MLH3: variants seen among roughly 807,000 people sequenced by gnomAD.
MLH3 encodes the protein DNA mismatch repair protein Mlh3.
In MLH3, 82 loss-of-function variants were observed where a neutral mutation model predicts 122.2. That is an observed-to-expected ratio of 0.67 (90% CI 0.56 to 0.81). MLH3 has a LOEUF of 0.81. Among genes scored for constraint, MLH3 ranks in the 30% least tolerant of loss-of-function variants. MLH3 has a pLI of 0.00. For missense variants in MLH3, 1,539 were observed against 1,714.5 expected, an observed-to-expected ratio of 0.90 and a Z score of 1.81; for synonymous variants, 524 against 599.5, an observed-to-expected ratio of 0.87 and a Z score of 1.84.
At position 75,047,006 on chromosome 14, in the gene MLH3, C is replaced by A; in HGVS notation, c.2650G>T (p.Glu884Ter). The A allele has an allele frequency of 6.2e-7, 1 of 1,614,188 alleles. No homozygotes were observed. Among genetic ancestry groups the A allele is most frequent in the South Asian group, 1.1e-5 (1 of 91,088 alleles). Residue 884 changes from glutamate (E) to a stop codon, truncating the protein, a stop_gained, in exon 2 of 13, where the codon GAA becomes TAA. Coordinates refer to ENST00000355774, the MANE Select transcript of MLH3 (RefSeq NM_001040108.2). LOFTEE classifies it high-confidence loss of function. The part of the protein sequence containing the change: ...ASKLSRLKGS[E>*]RETQTMGMMS... ...ATCCCCATTGTTTGAGTTTCTCTTTCGGAACCCTTCAGTCTGGATAATTTA... is the reference window on the plus strand; with the variant it reads ...ATCCCCATTGTTTGAGTTTCTCTTTAGGAACCCTTCAGTCTGGATAATTTA...
intron 1 of MLH3, among the ~76,000 whole-genome samples, chr14:75,049,986 G>A (rs1892557887): frequency 6.6e-6 from 1 of 152,178 alleles, no homozygotes; most frequent in Non-Finnish European, 1.5e-5. Context: ...TACACTTGAA[G>A]TTGACCAGTA....
chr14:75,022,301 C>G (rs183353791), intron 11 of MLH3, among the ~76,000 whole-genome samples: 205 of 152,242 alleles, frequency 1.3e-3, no homozygotes, highest in South Asian at 2.9e-3. Context: ...ACATGTACCC[C>G]CTGAACCTAA....
rs1890108006 is a variant in MLH3, at chr14:75,019,246, C to T, written c.4091-266G>A. On this transcript the variant is annotated intron_variant, in intron 11 of 12. Coordinates refer to ENST00000355774, the MANE Select transcript of MLH3 (RefSeq NM_001040108.2). ...CCAATATGGTGAAATCCCGCCTCTA[C>T]TAAAAATACAAAAATTAGCCGGGTG... 4.6e-5 allele frequency: 18 copies of T among 392,534 alleles called. 1 individual carries two copies. Among genetic ancestry groups the T allele is most frequent in the South Asian group, 4.5e-4 (18 of 39,894 alleles). 24.3% of individuals were successfully genotyped at this position (392,534 alleles called of 1,614,324 possible).
chr14:75,018,961 A>G lies in MLH3; in HGVS notation c.4110T>C (p.Asp1370=), dbSNP rs142590981. ...GGCAACTTTCCTGTAAGCTCAGGCC[A>G]TCATTAAACTTAATGGCCCCTAAAT... The part of the protein sequence containing the change: ...QACHGAIKFN[D]GLSLQESCRL... The change falls in exon 12 of 13, where the codon GAT becomes GAC. Residue 1370 remains aspartate, a synonymous_variant. Coordinates refer to ENST00000355774, the MANE Select transcript of MLH3 (RefSeq NM_001040108.2). The G allele has an allele frequency of 6.2e-7, 1 of 1,614,222 alleles. No homozygotes were observed. Among genetic ancestry groups the G allele is most frequent in the Non-Finnish European group, 8.5e-7 (1 of 1,180,022 alleles).
chr14:75,033,379 G>A (rs1891177081), intron 7 of MLH3, 40 bp downstream of exon 7: 12 of 1,533,988 alleles, frequency 7.8e-6, no homozygotes, highest in Non-Finnish European at 1.1e-5. Context: ...TGATTCTGCT[G>A]GGAGTCTCAA....
At chr14:75,039,866 TATATATATATATA>T in intron 5 of MLH3, 32 bp downstream of exon 5, 2 of 371,512 alleles carry the variant, frequency 5.4e-6, no homozygotes, top group South Asian at 3.3e-5. Flanking sequence ...TATATATATA[TATATATATATATA>T]TATTTATGAG....
chr14:75,051,213 C>A (rs1016573797), intron 1 of MLH3, among the ~76,000 whole-genome samples, 167 bp downstream of exon 1: 7 of 152,244 alleles, frequency 4.6e-5, no homozygotes, highest in Middle Eastern at 3.4e-3. Flanking sequence ...CCCTGGCCAG[C>A]CCCGTCCTTG....
rs923829868 is a variant in MLH3, at chr14:75,022,752, G to A, written c.4090+62C>T. The A allele has an allele frequency of 1.3e-5, 19 of 1,432,386 alleles. No individual in the cohort carries two copies. The African/African-American group carries it at 2.1e-4, about 16-fold the overall frequency. 88.7% of individuals were successfully genotyped at this position (1,432,386 alleles called of 1,614,324 possible). ...TACCCTCTGCCTCTTTTGTAATCCCGGCAGCCCTGCCAGGGCTCTGCATGC... is the reference window on the plus strand; with the variant it reads ...TACCCTCTGCCTCTTTTGTAATCCCAGCAGCCCTGCCAGGGCTCTGCATGC... On this transcript the variant is annotated intron_variant, in intron 11 of 12. Transcript: ENST00000355774.
At chr14:75,043,024 C>T (rs138623150) in intron 2 of MLH3, among the ~76,000 whole-genome samples, 3 of 152,334 alleles carry the variant, frequency 2.0e-5, no homozygotes, top group African/African-American at 4.8e-5. Flanking sequence ...GATCCACCCG[C>T]CTCGGCCTCC....
intron 12 of MLH3, among the ~76,000 whole-genome samples, chr14:75,018,507 C>T (rs891605061): frequency 6.6e-6 from 1 of 152,208 alleles, no homozygotes; most frequent in Non-Finnish European, 1.5e-5. Flanking sequence ...TACCAACTTT[C>T]AGTAGCTTCA....
Position 75,047,124 on chromosome 14 carries a change from AG to A in MLH3, c.2531del (p.Pro844LeufsTer3). On this transcript the variant is annotated frameshift_variant, in exon 2 of 13. Coordinates refer to ENST00000355774, the MANE Select transcript of MLH3 (RefSeq NM_001040108.2). LOFTEE classifies it high-confidence loss of function. ...GGGTCATAGGACTTTCTCTCAAACT[AG>A]GCATCTGTTGTTCTAAACAATCTTC... ...KDEDCLEQQM[P>X]SLRESPMTLK... The A allele has an allele frequency of 6.2e-7, 1 of 1,614,182 alleles. No homozygotes were observed. Among genetic ancestry groups the A allele is most frequent in the Non-Finnish European group, 8.5e-7 (1 of 1,180,010 alleles).
chr14:75,032,852 C>T (rs567296655), intron 7 of MLH3, among the ~76,000 whole-genome samples: 1 of 149,010 alleles, frequency 6.7e-6, no homozygotes, highest in South Asian at 2.1e-4. Context: ...ATTTAAAAAG[C>T]ATATATTGCT....
chr14:75,050,051 T>C (rs1342408461), intron 1 of MLH3, among the ~76,000 whole-genome samples: 1 of 152,228 alleles, frequency 6.6e-6, no homozygotes, highest in Non-Finnish European at 1.5e-5. Context: ...CTAAATTAAA[T>C]ACAGCTAAGG....
Position 75,046,397 on chromosome 14 carries a change from C to G in MLH3, c.3259G>C (p.Val1087Leu). 1.2e-6 allele frequency: 2 copies of G among 1,614,202 alleles called. No individual in the cohort carries two copies. The highest frequency in any genetic ancestry group is 8.5e-7 in the Non-Finnish European group (1 of 1,180,034). Residue 1087 changes from valine (V) to leucine (L), a missense_variant, in exon 2 of 13, where the codon GTG becomes CTG. Transcript: ENST00000355774. The stretch of plus-strand genomic sequence containing the variant: ...TTACCATTCTCAAGTACAACATCCA[C>G]AGCCACAGTTGTCAGGTCTTTAGTA... ...ACTKDLTTVA[V>L]DVVLENGSQY...
At chr14:75,021,289 G>A (rs529060732) in intron 11 of MLH3, among the ~76,000 whole-genome samples, 6 of 152,296 alleles carry the variant, frequency 3.9e-5, no homozygotes, top group South Asian at 2.1e-4. Context: ...GCAATAAAAC[G>A]AAAATTGACA....
At chr14:75,027,821 G>C (rs1890758825) in intron 9 of MLH3, among the ~76,000 whole-genome samples, 1 of 151,812 alleles carries the variant, frequency 6.6e-6, no homozygotes, top group Non-Finnish European at 1.5e-5. Flanking sequence ...TAAAAACAAG[G>C]TGGAATTAAA....
At chr14:75,046,163 G>C (rs1341384668) in intron 2 of MLH3, among the ~76,000 whole-genome samples, 1 of 141,684 alleles carries the variant, frequency 7.1e-6, no homozygotes, top group Non-Finnish European at 1.5e-5. Flanking sequence ...CTGGGTGACA[G>C]AGCAAGACTC....
At chr14:75,041,836 T>C (rs1335648568) in intron 3 of MLH3, 136 bp from the exon 4 acceptor site, 2 of 711,410 alleles carry the variant, frequency 2.8e-6, no homozygotes, top group Non-Finnish European at 5.1e-6. Context: ...AAATGTTCAG[T>C]GTTTGCTGTA....
intron 6 of MLH3, chr14:75,036,677 T>G (rs1169112794): frequency 6.6e-6 from 3 of 455,972 alleles, no homozygotes; most frequent in Non-Finnish European, 8.8e-6. Flanking sequence ...TTTCAAAGAC[T>G]GAACTCATGA....
Sources: allele counts gnomAD v4.1 joint callset (sites outside exome capture counted in the v4.1 genomes callset), GRCh38; gene constraint gnomAD v4.1.1; transcripts MANE v1.5; gene names NCBI Gene and HGNC (gene_info 2026-07-23, HGNC 2026-07-21).